The following RTL4 variants were observed in gnomAD, a reference collection of about 807,000 sequenced individuals.
RTL4 encodes the protein retrotransposon Gag-like protein 4.
Under a neutral mutation model 5.3 loss-of-function variants are expected in RTL4, and 4 were observed. The observed-to-expected ratio is 0.75, with a 90% CI of 0.37 to 1.72. The LOEUF (loss-of-function observed/expected upper bound fraction) is 1.72. RTL4 is among the 40% of genes most tolerant of loss of function. RTL4 has a pLI of 0.04. For synonymous variants in RTL4, 98 were observed against 87.3 expected (o/e 1.12, Z -0.68); for missense variants, 260 against 227.1 (o/e 1.14, Z -0.93).
the RTL4 span, among the ~76,000 whole-genome samples, chrX:112,120,307 G>T: frequency 2.7e-5 from 3 of 112,173 alleles, no homozygotes; most frequent in Admixed American, 2.8e-4. Context: ...GACGGAGTCT[G>T]GCTCTGTCGC....
At chrX:112,168,149 A>T in the RTL4 span, among the ~76,000 whole-genome samples, 1 of 111,171 alleles carries the variant, frequency 9.0e-6, no homozygotes, top group Admixed American at 9.6e-5. Context: ...AAGGCTAAGC[A>T]CCACTGCACT....
chrX:112,321,375 A>G, the RTL4 span, among the ~76,000 whole-genome samples: 1 of 109,836 alleles, frequency 9.1e-6, no homozygotes, highest in Admixed American at 9.7e-5. Context: ...GTCTCTACTA[A>G]AAATACAAAA....
At chrX:112,296,479 T>A in the RTL4 span, among the ~76,000 whole-genome samples, 1 of 111,180 alleles carries the variant, frequency 9.0e-6, no homozygotes, top group African/African-American at 3.3e-5. Context: ...CCCACACACA[T>A]CCCTCCACCA....
the RTL4 span, among the ~76,000 whole-genome samples, chrX:112,253,905 A>G: frequency 3.6e-5 from 4 of 111,412 alleles, no homozygotes; most frequent in Non-Finnish European, 5.7e-5. Context: ...TAATTCCCCA[A>G]TCTTTAATGC....
chrX:112,156,198 C>A, the RTL4 span, among the ~76,000 whole-genome samples: 12 of 112,449 alleles, frequency 1.1e-4, no homozygotes, highest in Non-Finnish European at 1.9e-4. Flanking sequence ...AGAGAGACAG[C>A]AATGTCCTTA....
the RTL4 span, among the ~76,000 whole-genome samples, chrX:112,132,110 A>T: frequency 4.5e-5 from 5 of 111,855 alleles, no homozygotes; most frequent in South Asian, 1.9e-3. Context: ...CCTCTATATG[A>T]TACTGAAACA....
the RTL4 span, among the ~76,000 whole-genome samples, chrX:112,090,960 T>G: frequency 9.0e-6 from 1 of 111,473 alleles, no homozygotes. Flanking sequence ...GAATTTCTAT[T>G]TCTTCTTGTG....
the RTL4 span, among the ~76,000 whole-genome samples, chrX:112,447,137 A>G: frequency 2.7e-5 from 3 of 112,166 alleles, no homozygotes; most frequent in Middle Eastern, 9.2e-3. Context: ...CACTAGAGCA[A>G]GTAATATGCT....
chrX:112,402,305 T>C, the RTL4 span, among the ~76,000 whole-genome samples: 1 of 110,994 alleles, frequency 9.0e-6, no homozygotes, highest in East Asian at 2.8e-4. Context: ...CTTCTCTCAG[T>C]ATCTTGCAAG....
At chrX:112,417,326 C>T in the RTL4 span, among the ~76,000 whole-genome samples, 4 of 111,772 alleles carry the variant, frequency 3.6e-5, no homozygotes, top group Non-Finnish European at 5.6e-5. Flanking sequence ...AAATCAAAGC[C>T]CTAAGGGCAG....
upstream of RTL4, among the ~76,000 whole-genome samples, chrX:112,453,961 A>AGCTGT (rs1459645372): frequency 2.7e-5 from 3 of 111,492 alleles, no homozygotes; most frequent in Non-Finnish European, 5.6e-5. Context: ...TGAGCATGCC[A>AGCTGT]GCTGTGATAT....
At chrX:112,417,720 C>T in the RTL4 span, among the ~76,000 whole-genome samples, 2 of 111,220 alleles carry the variant, frequency 1.8e-5, no homozygotes, top group South Asian at 7.6e-4. Flanking sequence ...CCCTGCACAA[C>T]TTGAGTCTGT....
At chrX:112,225,101 A>G in the RTL4 span, among the ~76,000 whole-genome samples, 2 of 112,156 alleles carry the variant, frequency 1.8e-5, no homozygotes, top group Admixed American at 9.5e-5. Context: ...GCCTGAGGTC[A>G]CAATACTAAT....
At chrX:112,181,503 G>C in the RTL4 span, among the ~76,000 whole-genome samples, 1 of 111,425 alleles carries the variant, frequency 9.0e-6, no homozygotes, top group African/African-American at 3.3e-5. Flanking sequence ...GGGGAAGGGG[G>C]TCTGCCATTA....
the RTL4 span, chrX:112,382,052 A>C: frequency 2.1e-5 from 25 of 1,208,546 alleles, no homozygotes; most frequent in Non-Finnish European, 2.8e-5. Context: ...GGCTACTCAA[A>C]GCCACTTAGA....
chrX:112,338,626 C>G, the RTL4 span, among the ~76,000 whole-genome samples: 1 of 111,467 alleles, frequency 9.0e-6, no homozygotes, highest in South Asian at 3.8e-4. Context: ...TAAGCTAGTC[C>G]GATCTTGTTT....
At chrX:112,272,728 A>G in the RTL4 span, among the ~76,000 whole-genome samples, 1 of 99,893 alleles carries the variant, frequency 1.0e-5, no homozygotes, top group Non-Finnish European at 1.9e-5. Flanking sequence ...TAAAATTAAG[A>G]TATTAAGATT....
chrX:112,306,060 G>C, the RTL4 span, among the ~76,000 whole-genome samples: 1 of 111,369 alleles, frequency 9.0e-6, no homozygotes, highest in African/African-American at 3.3e-5. Context: ...GATATGCAGA[G>C]ATTATTCCCT....
exon 1 of RTL4, chrX:112,455,921 C>T (rs1471062730): frequency 1.1e-5 from 4 of 361,237 alleles, no homozygotes; most frequent in Non-Finnish European, 1.9e-5. Context: ...CACCAAAAAC[C>T]TGCAGGCAAA....
Sources: gnomAD v4.1 joint callset for allele counts (sites outside exome capture counted in the v4.1 genomes callset) on GRCh38, gnomAD v4.1.1 for gene constraint, MANE v1.5 for transcripts, NCBI Gene and HGNC (gene_info 2026-07-23, HGNC 2026-07-21) for gene names.